The following CEP126 variants were observed in gnomAD, a reference collection of about 807,000 sequenced individuals.
CEP126 encodes the protein centrosomal protein 126, also known as centrosomal protein of 126 kDa.
A neutral mutation model predicts 107.8 loss-of-function variants in CEP126; 74 were observed. The ratio of observed to expected loss-of-function variants is 0.69; its 90% CI spans 0.57 to 0.83. The LOEUF (loss-of-function observed/expected upper bound fraction) is 0.83. CEP126 is among the 40% of genes least tolerant of loss of function. The probability of loss-of-function intolerance (pLI) is 0.00; values close to 1 mark genes in which losing one functional copy is unlikely to be tolerated. For missense variants in CEP126, 1,237 were observed against 1,281.9 expected (o/e 0.96, Z 0.53); for synonymous variants, 449 against 446.0 (o/e 1.01, Z -0.08).
chr11:101,997,804 G>A lies in CEP126; in HGVS notation c.*161G>A. Reference sequence around the variant, plus strand: ...GAGCAGTGAAGTTTAACAGAGCAGTGACATTTAACAAAGCAGTGAAGTTTA... The same window carrying A: ...GAGCAGTGAAGTTTAACAGAGCAGTAACATTTAACAAAGCAGTGAAGTTTA... On this transcript the variant is annotated 3_prime_UTR_variant, in exon 11 of 11. Coordinates refer to ENST00000263468, the MANE Select transcript of CEP126 (RefSeq NM_020802.4). 1 of 895,578 alleles carries A rather than the reference G, an allele frequency of 1.1e-6. No homozygotes were observed. Among genetic ancestry groups the A allele is most frequent in the Non-Finnish European group, 1.7e-6 (1 of 587,580 alleles). 55.5% of individuals were successfully genotyped at this position (895,578 alleles called of 1,614,324 possible).
intron 9 of CEP126, among the ~76,000 whole-genome samples, chr11:101,990,129 A>T (rs1941360883): frequency 6.6e-6 from 1 of 152,148 alleles, no homozygotes; most frequent in Admixed American, 6.5e-5. Context: ...TACTATGAGG[A>T]TGTAGAACCA....
intron 4 of CEP126, among the ~76,000 whole-genome samples, chr11:101,954,120 C>T (rs1033978827): frequency 1.3e-5 from 2 of 151,970 alleles, no homozygotes; most frequent in Non-Finnish European, 1.5e-5. Context: ...CTCCACCTCC[C>T]GGGTTCAAGC....
intron 4 of CEP126, among the ~76,000 whole-genome samples, chr11:101,950,383 G>A (rs1257037915): frequency 6.6e-6 from 1 of 152,160 alleles, no homozygotes; most frequent in Non-Finnish European, 1.5e-5. Flanking sequence ...TTAAAGTGAT[G>A]AGCAACAGAA....
At chr11:101,953,524 T>G (rs555391379) in intron 4 of CEP126, among the ~76,000 whole-genome samples, 12 of 152,042 alleles carry the variant, frequency 7.9e-5, no homozygotes, top group African/African-American at 2.9e-4. Flanking sequence ...AATTTTAGCA[T>G]ATAAAGGACA....
At chr11:101,953,642 A>G (rs1940842922) in intron 4 of CEP126, among the ~76,000 whole-genome samples, 2 of 152,210 alleles carry the variant, frequency 1.3e-5, no homozygotes, top group African/African-American at 4.8e-5. Flanking sequence ...TAAAATCAAG[A>G]AAGATAGTGG....
rs978820631 is a variant in CEP126, at chr11:101,963,110, A to G, written c.2075A>G (p.Asp692Gly). ...NSADTKKSRE[D>G]SISENVTTLG... ...GCTGATACAAAGAAGTCCAGGGAGG[A>G]TTCTATCTCTGAAAATGTTACGACT... Residue 692 changes from aspartate (D) to glycine (G), a missense_variant, in exon 6 of 11, where the codon GAT (aspartate) becomes GGT (glycine). Around this residue, in one of 3 missense-constraint regions of CEP126, gnomAD observed 1,134 missense variants for 1,150.5 expected, o/e 0.99. Transcript: ENST00000263468. The G allele has an allele frequency of 6.2e-7, 1 of 1,614,082 alleles. No individual in the cohort carries two copies. Among genetic ancestry groups the G allele is most frequent in the African/African-American group, 1.3e-5 (1 of 75,038 alleles).
At chr11:101,947,934 T>C (rs1008045572) in intron 3 of CEP126, 97 bp from the exon 4 acceptor site, 2 of 486,318 alleles carry the variant, frequency 4.1e-6, no homozygotes, top group African/African-American at 2.0e-5. Flanking sequence ...ACAAAAGTTT[T>C]AAAGTAATAT....
chr11:101,995,935 A>G (rs1249073233), intron 10 of CEP126, among the ~76,000 whole-genome samples: 1 of 152,246 alleles, frequency 6.6e-6, no homozygotes, highest in East Asian at 1.9e-4. Context: ...ATGAGCACAA[A>G]ATAGCCAACT....
intron 8 of CEP126, among the ~76,000 whole-genome samples, chr11:101,985,255 T>C (rs147054621): frequency 2.8e-4 from 42 of 152,180 alleles, no homozygotes; most frequent in African/African-American, 7.7e-4. Flanking sequence ...CAGGTATGTG[T>C]ATAAGGTATA....
chr11:101,997,272 G>A (rs1371500784), intron 10 of CEP126, among the ~76,000 whole-genome samples: 5 of 152,172 alleles, frequency 3.3e-5, no homozygotes, highest in African/African-American at 9.6e-5. Context: ...TCCCGACTTC[G>A]TGATCCGCCT....
At chr11:101,972,484 C>T (rs1565365432) in intron 6 of CEP126, among the ~76,000 whole-genome samples, 1 of 151,476 alleles carries the variant, frequency 6.6e-6, no homozygotes, top group East Asian at 2.0e-4. Flanking sequence ...CCCCTTCCTC[C>T]GTTACAGACA....
intron 2 of CEP126, among the ~76,000 whole-genome samples, chr11:101,928,282 G>A (rs1940440632): frequency 6.6e-6 from 1 of 152,014 alleles, no homozygotes; most frequent in South Asian, 2.1e-4. Context: ...CAGATATGTT[G>A]TTTGTAAACA....
chr11:101,969,185 T>A (rs1941095930), intron 6 of CEP126, among the ~76,000 whole-genome samples: 1 of 152,040 alleles, frequency 6.6e-6, no homozygotes, highest in South Asian at 2.1e-4. Flanking sequence ...CATGGCTGAC[T>A]AATTTTTATA....
chr11:101,978,346 G>A lies in CEP126; in HGVS notation c.2846-1G>A, dbSNP rs754097454. ...TAACATTGTGCTGGCATTTGTTTAA[G>A]GGTCTACTGTTATGAGAAGAAAACG... On this transcript the variant is annotated splice_acceptor_variant, in intron 6 of 10. Coordinates refer to ENST00000263468, the MANE Select transcript of CEP126 (RefSeq NM_020802.4). LOFTEE classifies it high-confidence loss of function. 1 of 1,601,246 alleles carries A rather than the reference G, an allele frequency of 6.2e-7. No individual in the cohort carries two copies. The highest frequency in any genetic ancestry group is 8.5e-7 in the Non-Finnish European group (1 of 1,169,736).
rs1312905068 is a variant in CEP126 at position 101,998,222 on chromosome 11, T to G, written c.*579T>G. The G allele has an allele frequency of 6.6e-6, 1 of 152,254 alleles. No individual in the cohort carries two copies. Among genetic ancestry groups the G allele is most frequent in the African/African-American group, 2.4e-5 (1 of 41,448 alleles). 9.4% of individuals were successfully genotyped at this position (152,254 alleles called of 1,614,324 possible). ...TCCTATGGCTGTACAATTACATCGA[T>G]TCTTCCAAATTTCATATTTCATACA... On this transcript the variant is annotated 3_prime_UTR_variant, in exon 11 of 11. Transcript: ENST00000263468.
chr11:101,945,517 T>C (rs1940722488), intron 3 of CEP126, among the ~76,000 whole-genome samples: 1 of 152,250 alleles, frequency 6.6e-6, no homozygotes, highest in Non-Finnish European at 1.5e-5. Flanking sequence ...TAAATATTAC[T>C]GTTAATAAGG....
At chr11:101,965,383 AC>A (rs1161061484) in intron 6 of CEP126, among the ~76,000 whole-genome samples, 1 of 152,204 alleles carries the variant, frequency 6.6e-6, no homozygotes, top group Non-Finnish European at 1.5e-5. Context: ...GTAATTCATC[AC>A]AGTATCCCCA....
At position 101,999,667 on chromosome 11, in the gene CEP126, T is replaced by C. The variant is rs915161232; in HGVS notation, c.*2024T>C. On this transcript the variant is annotated 3_prime_UTR_variant, in exon 11 of 11. Coordinates refer to ENST00000263468, the MANE Select transcript of CEP126 (RefSeq NM_020802.4). ...TTTAGTAGATACAGGGTGGGTTCAT[T>C]AAGAGTGATAAAAGTGGGAAGACAT... 4 of 152,140 alleles carry C rather than the reference T, an allele frequency of 2.6e-5. No individual in the cohort carries two copies. The highest frequency in any genetic ancestry group is 5.9e-5 in the Non-Finnish European group (4 of 68,038). 9.4% of individuals were successfully genotyped at this position (152,140 alleles called of 1,614,324 possible).
intron 6 of CEP126, among the ~76,000 whole-genome samples, chr11:101,971,010 C>T (rs1473745768): frequency 1.3e-5 from 2 of 152,200 alleles, no homozygotes; most frequent in African/African-American, 4.8e-5. Flanking sequence ...GGGTCTCACT[C>T]TGTCACCCGG....
Sources: allele counts gnomAD v4.1 joint callset (sites outside exome capture counted in the v4.1 genomes callset), GRCh38; gene constraint gnomAD v4.1.1; regional missense constraint gnomAD v4.1.1; transcripts MANE v1.5; gene names NCBI Gene and HGNC (gene_info 2026-07-23, HGNC 2026-07-21).